The following MAN1A1 variants were observed in gnomAD, a reference collection of about 807,000 sequenced individuals.
The protein encoded by MAN1A1 is mannosidase alpha class 1A member 1.
A neutral mutation model predicts 70.8 loss-of-function variants in MAN1A1; 29 were observed. The observed-to-expected ratio is 0.41, with a 90% CI of 0.31 to 0.56. The LOEUF (loss-of-function observed/expected upper bound fraction) is 0.56. MAN1A1 is among the 20% of genes least tolerant of loss of function. The probability of loss-of-function intolerance (pLI) is 0.29; values close to 1 mark genes in which losing one functional copy is unlikely to be tolerated. For synonymous variants in MAN1A1, 349 were observed against 330.1 expected, an observed-to-expected ratio of 1.06 and a Z score of -0.62; for missense variants, 747 against 841.3, an observed-to-expected ratio of 0.89 and a Z score of 1.39.
At chr6:119,241,948 ATGTG>A (rs879398838) in intron 6 of MAN1A1, among the ~76,000 whole-genome samples, 12 of 26,402 alleles carry the variant, frequency 4.5e-4, no homozygotes, top group East Asian at 5.4e-3. Flanking sequence ...GTGTGTATGT[ATGTG>A]TGTGTGTGTG....
intron 8 of MAN1A1, among the ~76,000 whole-genome samples, chr6:119,196,678 G>C (rs1475608520): frequency 1.3e-5 from 2 of 152,122 alleles, no homozygotes; most frequent in Non-Finnish European, 2.9e-5. Flanking sequence ...GAAAAAGCAA[G>C]TAGCAAAAGA....
intron 2 of MAN1A1, among the ~76,000 whole-genome samples, chr6:119,348,201 C>G (rs538613488): frequency 6.6e-6 from 1 of 152,270 alleles, no homozygotes; most frequent in East Asian, 1.9e-4. Context: ...GTATTTATAC[C>G]CACCTCGTGT....
At chr6:119,190,005 A>G in intron 9 of MAN1A1, 122 bp from the exon 10 acceptor site, 1 of 777,972 alleles carries the variant, frequency 1.3e-6, no homozygotes, top group South Asian at 1.9e-5. Context: ...GGTGTTAAAA[A>G]TCCATTCAAC....
chr6:119,213,962 G>A (rs915408355), intron 6 of MAN1A1, among the ~76,000 whole-genome samples: 1 of 152,014 alleles, frequency 6.6e-6, no homozygotes, highest in Admixed American at 6.6e-5. Context: ...GTAATGAAAT[G>A]CCTAAAAACA....
At chr6:119,235,552 G>A (rs1774818932) in intron 6 of MAN1A1, among the ~76,000 whole-genome samples, 1 of 152,226 alleles carries the variant, frequency 6.6e-6, no homozygotes, top group South Asian at 2.1e-4. Flanking sequence ...AAGGTGAAGA[G>A]AAGAAGCTGT....
chr6:119,222,636 T>C (rs752760838), intron 6 of MAN1A1, among the ~76,000 whole-genome samples: 1 of 152,212 alleles, frequency 6.6e-6, no homozygotes, highest in Non-Finnish European at 1.5e-5. Flanking sequence ...CCACCTTTCA[T>C]CTTTACGAAA....
chr6:119,236,791 G>T (rs1229139478), intron 6 of MAN1A1, among the ~76,000 whole-genome samples: 1 of 151,664 alleles, frequency 6.6e-6, no homozygotes, highest in Non-Finnish European at 1.5e-5. Context: ...AGCTGCCATA[G>T]ACAGTGATTC....
Position 119,209,391 on chromosome 6 carries a change from A to C in MAN1A1, c.993-4509T>G, listed in dbSNP as rs753072100. ...TTGAATAATTTCTGAGCTGTAAACA[A>C]ACTTCATTCAAGTTCATAGTCCAGA... On this transcript the variant is annotated intron_variant, in intron 6 of 12. Coordinates refer to ENST00000368468, the MANE Select transcript of MAN1A1 (RefSeq NM_005907.4). Among the ~76,000 whole-genome samples, 85 of 152,350 alleles carry C rather than the reference A, an allele frequency of 5.6e-4. 1 individual carries two copies. The highest frequency in any genetic ancestry group is 1.1e-3 in the Non-Finnish European group (72 of 68,032).
At chr6:119,218,556 C>T (rs1774269359) in intron 6 of MAN1A1, among the ~76,000 whole-genome samples, 1 of 151,198 alleles carries the variant, frequency 6.6e-6, no homozygotes, top group Admixed American at 6.6e-5. Context: ...CTTATAACAT[C>T]GATAAAAAAA....
At chr6:119,349,803 C>T (rs963485475), upstream of MAN1A1, 84 of 966,280 alleles carry the variant, frequency 8.7e-5, no homozygotes, top group Admixed American at 3.1e-4. Context: ...GCGAGGGAGG[C>T]GACGCGGCCG....
At chr6:119,183,425 T>A (rs1347098106) in intron 11 of MAN1A1, among the ~76,000 whole-genome samples, 1 of 150,954 alleles carries the variant, frequency 6.6e-6, no homozygotes, top group East Asian at 1.9e-4. Context: ...TGACAAAGAG[T>A]CAAATACCAG....
chr6:119,210,562 A>C (rs1348202378), intron 6 of MAN1A1, among the ~76,000 whole-genome samples: 1 of 152,216 alleles, frequency 6.6e-6, no homozygotes, highest in African/African-American at 2.4e-5. Context: ...TATTTAAAAA[A>C]ATTTTCCAAG....
intron 5 of MAN1A1, among the ~76,000 whole-genome samples, chr6:119,273,386 G>A (rs1052022913): frequency 2.6e-5 from 4 of 152,078 alleles, no homozygotes; most frequent in East Asian, 1.9e-4. Flanking sequence ...ATACATGAAA[G>A]TATCCTGCAT....
At chr6:119,212,905 G>T (rs1030752265) in intron 6 of MAN1A1, among the ~76,000 whole-genome samples, 1 of 152,078 alleles carries the variant, frequency 6.6e-6, no homozygotes, top group Non-Finnish European at 1.5e-5. Context: ...CTTCAGAGTG[G>T]GTAATCAACT....
intron 6 of MAN1A1, 24 bp downstream of exon 6, chr6:119,248,236 G>A (rs751824737): frequency 6.9e-7 from 1 of 1,445,232 alleles, no homozygotes; most frequent in East Asian, 2.3e-5. Flanking sequence ...CTTAAAACAT[G>A]TTGTTGAAAA....
chr6:119,349,361 C>T lies in MAN1A1; in HGVS notation c.-222-74G>A, dbSNP rs13437541. On this transcript the variant is annotated intron_variant, in intron 1 of 12. Transcript: ENST00000368468. Reference sequence around the variant, plus strand: ...TTTCCAGCGGGTCTCCGCCCTCCGACTCCTGGCGAGCCTCCAGGACCGCTC... The same window carrying T: ...TTTCCAGCGGGTCTCCGCCCTCCGATTCCTGGCGAGCCTCCAGGACCGCTC... 2.9e-3 allele frequency: 3,086 copies of T among 1,066,074 alleles called. 66 individuals are homozygous for T. The African/African-American group carries it at 0.048, about 16-fold the overall frequency. The allele number at this position is 1,066,074 out of a possible 1,614,324, so 66.0% of individuals were successfully genotyped here. A position where few individuals can be genotyped will look rare whatever the true frequency, so the allele number is the denominator to read the frequency against.
intron 5 of MAN1A1, among the ~76,000 whole-genome samples, chr6:119,274,169 T>C (rs927263980): frequency 6.6e-6 from 1 of 152,218 alleles, no homozygotes; most frequent in African/African-American, 2.4e-5. Context: ...ACAATTAACA[T>C]AATTAAGAGA....
intron 5 of MAN1A1, among the ~76,000 whole-genome samples, chr6:119,266,160 C>T (rs529492286): frequency 4.3e-4 from 65 of 152,070 alleles, no homozygotes; most frequent in African/African-American, 1.5e-3. Flanking sequence ...GATTGAATAC[C>T]AAGACGTCAG....
chr6:119,316,178 T>G (rs1323623099), intron 2 of MAN1A1, among the ~76,000 whole-genome samples: 1 of 148,724 alleles, frequency 6.7e-6, no homozygotes, highest in Non-Finnish European at 1.5e-5. Flanking sequence ...TTTGTGGGTT[T>G]TTTTTTTTTT....
Sources: gnomAD v4.1 joint callset for allele counts (sites outside exome capture counted in the v4.1 genomes callset) on GRCh38, gnomAD v4.1.1 for gene constraint, MANE v1.5 for transcripts, NCBI Gene and HGNC (gene_info 2026-07-23, HGNC 2026-07-21) for gene names.